TTN: variants seen among roughly 807,000 people sequenced by gnomAD.
TTN encodes titin.
In TTN, 1,525 loss-of-function variants were observed where a neutral mutation model predicts 3,223.0. The ratio of observed to expected loss-of-function variants is 0.47; its 90% CI spans 0.45 to 0.49. TTN has a LOEUF of 0.49. TTN is among the 20% of genes least tolerant of loss of function. The pLI is 0.00. For synonymous variants in TTN, 14,094 were observed against 15,161.0 expected (o/e 0.93, Z 5.17); for missense variants, 40,786 against 43,424.0 (o/e 0.94, Z 5.40).
rs1329057139 is a variant in TTN at position 178,607,810 on chromosome 2, TTG to T, written c.52975_52976del (p.Gln17659ThrfsTer6). ...CTTGTGGTTCAGCCACAGTAACAGG[TTG>T]TGTTTCTCCAGGCGGTCCTTCCCCT... ...AAGEGPPGETQPVTVAEPQEP... is the reference protein window; with the variant it reads ...AAGEGPPGETXPVTVAEPQEP... On this transcript the variant is annotated frameshift_variant, in exon 276 of 363. Coordinates refer to ENST00000589042, the MANE Select transcript of TTN (RefSeq NM_001267550.2). LOFTEE classifies it high-confidence loss of function. 1.2e-6 allele frequency: 2 copies of T among 1,612,806 alleles called. No individual in the cohort carries two copies. Among genetic ancestry groups the T allele is most frequent in the Non-Finnish European group, 1.7e-6 (2 of 1,179,320 alleles).
chr2:178,612,142 C>T lies in TTN; in HGVS notation c.50269G>A (p.Ala16757Thr), dbSNP rs886042536. ...DTFTTPGPPY[A>T]LAVVDVTKRH... ...TTTGTCACATCAACCACTGCCAGGG[C>T]GTAGGGTGGTCCAGGAGTGGCTGAA... The change falls in exon 267 of 363, where the codon GCC becomes ACC. Residue 16757 changes from alanine (A) to threonine (T), a missense_variant. Transcript: ENST00000589042. 1.5e-5 allele frequency: 24 copies of T among 1,611,138 alleles called. No homozygotes were observed. Among genetic ancestry groups the T allele is most frequent in the African/African-American group, 2.7e-5 (2 of 74,750 alleles).
Position 178,528,757 on chromosome 2 carries a change from T to C in TTN, c.106994A>G (p.Lys35665Arg), listed in dbSNP as rs746841189. ...TCCTTCATCTCTGTGACTGGCTTGCTTGATGGTTAGGGTCTGATCGCTGCC... is the reference window on the plus strand; with the variant it reads ...TCCTTCATCTCTGTGACTGGCTTGCCTGATGGTTAGGGTCTGATCGCTGCC... ...VSGSDQTLTI[K>R]QASHRDEGIL... Residue 35665 changes from lysine (K) to arginine (R), a missense_variant, in exon 360 of 363, where the codon AAG becomes AGG. Transcript: ENST00000589042. 4 of 1,613,008 alleles carry C rather than the reference T, an allele frequency of 2.5e-6. No individual in the cohort carries two copies. In the African/African-American group the frequency reaches 5.3e-5, roughly 22 times the overall value.
At chr2:178,758,863 T>C in intron 44 of TTN, 121 bp downstream of exon 44, 2 of 1,030,086 alleles carry the variant, frequency 1.9e-6, no homozygotes, top group Non-Finnish European at 1.5e-6. Flanking sequence ...AAATAATTAG[T>C]TGAATTAGAA....
intron 6 of TTN, among the ~76,000 whole-genome samples, chr2:178,797,700 G>A (rs2093844170): frequency 6.6e-6 from 1 of 152,018 alleles, no homozygotes; most frequent in Non-Finnish European, 1.5e-5. Context: ...TTATGGCAGA[G>A]GCAATGAAGT....
chr2:178,603,754 C>G, intron 282 of TTN, 122 bp downstream of exon 282: 1 of 1,030,462 alleles, frequency 9.7e-7, no homozygotes, highest in Non-Finnish European at 1.3e-6. Flanking sequence ...GAACATGAAC[C>G]TTTTTTATTT....
In TTN at chr2:178,607,716, C is replaced by T. The variant is rs377354603; in HGVS notation, c.53003-31G>A. ...GAAAGAGAACAGTCATGCATTAGCC[C>T]ATGAAAGATTAAAAAATAGTCCCAT... On this transcript the variant is annotated intron_variant, in intron 276 of 362. Coordinates refer to ENST00000589042, the MANE Select transcript of TTN (RefSeq NM_001267550.2). 2.0e-4 allele frequency: 330 copies of T among 1,611,850 alleles called. No homozygotes were observed. In the African/African-American group the frequency reaches 4.1e-3, roughly 20 times the overall value.
At chr2:178,538,413 A>T in intron 354 of TTN, 127 bp downstream of exon 354, 2 of 860,528 alleles carry the variant, frequency 2.3e-6, no homozygotes, top group Non-Finnish European at 3.4e-6. Flanking sequence ...CTGTGTGTGT[A>T]CTTGCTTTTC....
At position 178,607,459 on chromosome 2, in the gene TTN, C is replaced by T. The variant is rs376469717; in HGVS notation, c.53229G>A (p.Val17743=). The T allele has an allele frequency of 4.3e-6, 7 of 1,613,202 alleles. No homozygotes were observed. The African/African-American group carries it at 9.3e-5, about 22-fold the overall frequency. Residue 17743 remains valine, a synonymous_variant, in exon 277 of 363, where the codon GTG becomes GTA. Coordinates refer to ENST00000589042, the MANE Select transcript of TTN (RefSeq NM_001267550.2). The stretch of plus-strand genomic sequence containing the variant: ...AACCACAGCTATTTGTAGCTGTAAT[C>T]ACATATCTGCCATGGTCTTTTCGCA... ...DALRKDHGRY[V]ITATNSCGSK...
Position 178,584,783 on chromosome 2 carries a change from T to G in TTN, c.64858A>C (p.Arg21620=). 1 of 1,613,518 alleles carries G rather than the reference T, an allele frequency of 6.2e-7. No individual in the cohort carries two copies. The highest frequency in any genetic ancestry group is 8.5e-7 in the Non-Finnish European group (1 of 1,179,566). ...TGGCCTGGGATCAGCTTTCCAACCC[T>G]GCAGGAAGTTTTTGTGACTGAAGCT... ...ALASVTKTSC[R]VGKLIPGQEY... Residue 21620 remains arginine (R), a synonymous_variant, in exon 310 of 363, where the codon AGG becomes CGG. Transcript: ENST00000589042.
chr2:178,777,122 G>T (rs144862079), intron 27 of TTN, 27 bp downstream of exon 27: 91 of 1,613,946 alleles, frequency 5.6e-5, no homozygotes, highest in Non-Finnish European at 7.4e-5. Flanking sequence ...TGTATAATGA[G>T]CTTAGCTTTA....
intron 92 of TTN, 63 bp downstream of exon 92, chr2:178,713,834 T>C: frequency 6.4e-7 from 1 of 1,566,194 alleles, no homozygotes. Context: ...CCCATATACA[T>C]TTATGAAAAT....
At position 178,732,973 on chromosome 2, in the gene TTN, G is replaced by T. The variant is rs1349486698; in HGVS notation, c.16203C>A (p.Asp5401Glu). Residue 5401 changes from aspartate to glutamate, a missense_variant, in exon 55 of 363, where the codon GAC becomes GAA. Physicochemically the swap from Asp to Glu is conservative, Grantham distance 45 (BLOSUM62 2). Coordinates refer to ENST00000589042, the MANE Select transcript of TTN (RefSeq NM_001267550.2). ...FKDGKEIAAS[D>E]RYRIAFVEGT... ...CTTCCACAAATGCTATCCTGTATCT[G>T]TCAGAAGCAGCTATTTCTTTGCCAT... 4 of 1,613,442 alleles carry T rather than the reference G, an allele frequency of 2.5e-6. No individual in the cohort carries two copies. Among genetic ancestry groups the T allele is most frequent in the African/African-American group, 1.3e-5 (1 of 74,888 alleles).
At position 178,577,797 on chromosome 2, in the gene TTN, T is replaced by C. The variant is rs879104670; in HGVS notation, c.68629A>G (p.Ile22877Val). The C allele has an allele frequency of 6.2e-6, 10 of 1,611,862 alleles. No individual in the cohort carries two copies. Among genetic ancestry groups the C allele is most frequent in the Admixed American group, 1.7e-5 (1 of 59,860 alleles). Residue 22877 changes from isoleucine (I) to valine (V), a missense_variant, in exon 323 of 363, where the codon ATA (isoleucine) becomes GTA (valine). By Grantham distance (29) the Ile-to-Val change is conservative. Coordinates refer to ENST00000589042, the MANE Select transcript of TTN (RefSeq NM_001267550.2). ...GAAGGTAGATCTCGCTTCTCCACTA[T>C]ATATCCAGTTAACTTATGACCACCG... ...YDGGHKLTGY[I>V]VEKRDLPSKS...
At position 178,666,839 on chromosome 2, in the gene TTN, T is replaced by G; in HGVS notation, c.35860A>C (p.Thr11954Pro). ...GETPIVKRRKTPSPTVPESPR... is the reference protein window; with the variant it reads ...GETPIVKRRKPPSPTVPESPR... ...CAACTTGTACCTGTTGGTGATGGTG[T>G]TTTTCTTCTTTTAACAATAGGAGTT... Residue 11954 changes from threonine to proline, a missense_variant, in exon 163 of 363, where the codon ACA becomes CCA. Physicochemically the swap from Thr to Pro is conservative, Grantham distance 38. Transcript: ENST00000589042. The G allele has an allele frequency of 6.4e-7, 1 of 1,570,602 alleles. No individual in the cohort carries two copies. Among genetic ancestry groups the G allele is most frequent in the Non-Finnish European group, 8.6e-7 (1 of 1,157,238 alleles).
chr2:178,740,720 C>A lies in TTN; in HGVS notation c.12513G>T (p.Glu4171Asp). ...FSKEGILMPE[E>D]PETQAVLSDT... The stretch of plus-strand genomic sequence containing the variant: ...CTGATAGAACTGCCTGTGTCTCAGG[C>A]TCTTCAGGCATTAGAATACCTTCTT... Residue 4171 changes from glutamate to aspartate, a missense_variant, in exon 48 of 363, where the codon GAG becomes GAT. Transcript: ENST00000589042. The A allele has an allele frequency of 6.2e-7, 1 of 1,613,840 alleles. No homozygotes were observed. Among genetic ancestry groups the A allele is most frequent in the South Asian group, 1.1e-5 (1 of 91,078 alleles).
chr2:178,786,676 G>C (rs571799472), intron 13 of TTN, among the ~76,000 whole-genome samples: 2 of 152,174 alleles, frequency 1.3e-5, no homozygotes. Flanking sequence ...AACACAGAGT[G>C]AGCATATGAA....
At chr2:178,699,249 G>C (rs1577612478) in intron 111 of TTN, among the ~76,000 whole-genome samples, 1 of 151,824 alleles carries the variant, frequency 6.6e-6, no homozygotes, top group East Asian at 1.9e-4. Context: ...TCATCCTTAG[G>C]GACGAACACA....
intron 350 of TTN, 47 bp from the exon 351 acceptor site, chr2:178,540,417 G>T: frequency 6.8e-7 from 1 of 1,469,942 alleles, no homozygotes; most frequent in South Asian, 1.3e-5. Context: ...CTGCAAAGTT[G>T]AAAATTAGCT....
rs1352290576 is a variant in TTN, at chr2:178,695,348, C to A, written c.31270G>T (p.Val10424Phe). 6.2e-7 allele frequency: 1 copy of A among 1,610,742 alleles called. No individual in the cohort carries two copies. The highest frequency in any genetic ancestry group is 8.5e-7 in the Non-Finnish European group (1 of 1,177,606). Reference sequence around the variant, plus strand: ...TATTTAAATATTTCTAATTACTTACCTTTAGGAGGTGGTGGTGCTTTCTTT... The same window carrying A: ...TATTTAAATATTTCTAATTACTTACATTTAGGAGGTGGTGGTGCTTTCTTT... ...PEKKAPPPPK[V>F]IKKPVIEKIE... The change falls in exon 115 of 363, where the codon GTT (valine) becomes TTT (phenylalanine). Residue 10424 changes from valine (V) to phenylalanine (F), a missense_variant and splice_region_variant. Transcript: ENST00000589042.
Sources: gnomAD v4.1 joint callset for allele counts (sites outside exome capture counted in the v4.1 genomes callset) on GRCh38, gnomAD v4.1.1 for gene constraint, MANE v1.5 for transcripts, NCBI Gene and HGNC (gene_info 2026-07-23, HGNC 2026-07-21) for gene names.